Variants in FANCD2 observed in about 807,000 individuals in gnomAD.
The protein encoded by FANCD2 is FA complementation group D2, also known as Fanconi anemia group D2 protein.
In FANCD2, 131 loss-of-function variants were observed where a neutral mutation model predicts 192.3. That is an observed-to-expected ratio of 0.68 (90% confidence interval 0.59 to 0.79). The LOEUF (loss-of-function observed/expected upper bound fraction) is 0.79, where lower values mean the gene tolerates loss of function less well. Ranked by LOEUF, FANCD2 falls within the 30% of genes least tolerant of loss-of-function variation. The pLI, the probability that FANCD2 is intolerant of heterozygous loss-of-function variation, is 0.00. For missense variants in FANCD2, 1,508 were observed against 1,701.6 expected, an observed-to-expected ratio of 0.89 and a Z score of 2.00; for synonymous variants, 524 against 612.5, an observed-to-expected ratio of 0.86 and a Z score of 2.13.
chr3:10,040,033 CT>C (rs570512566), intron 9 of FANCD2, 188 bp downstream of exon 9: 29,437 of 340,934 alleles, frequency 0.086, 9 homozygotes, highest in East Asian at 0.16. Context: ...CACATACTTT[CT>C]TTTTTTTTTT....
Position 10,062,233 on chromosome 3 carries a change from T to A in FANCD2, c.1827+22T>A, listed in dbSNP as rs1256388697. 2.5e-6 allele frequency: 4 copies of A among 1,606,850 alleles called. No individual in the cohort carries two copies. The South Asian group carries it at 4.4e-5, about 18-fold the overall frequency. Reference sequence around the variant, plus strand: ...ACAGGTGAGTTCTTTTTTTCCTTTCTTTCTTTTTCCTGTCTTTTTTTTTTT... The same window carrying A: ...ACAGGTGAGTTCTTTTTTTCCTTTCATTCTTTTTCCTGTCTTTTTTTTTTT... On this transcript the variant is annotated intron_variant, in intron 20 of 43. Coordinates refer to ENST00000675286, the MANE Select transcript of FANCD2 (RefSeq NM_001018115.3).
chr3:10,090,755 G>C (rs1191217166), intron 37 of FANCD2, among the ~76,000 whole-genome samples: 1 of 152,230 alleles, frequency 6.6e-6, no homozygotes, highest in African/African-American at 2.4e-5. Context: ...ACTGCGCCCG[G>C]TGGTAGTTGC....
intron 37 of FANCD2, among the ~76,000 whole-genome samples, chr3:10,091,436 C>T (rs1185817429): frequency 2.7e-5 from 4 of 149,690 alleles, no homozygotes; most frequent in African/African-American, 7.4e-5. Context: ...TGCACCACTG[C>T]ACTCCAACCT....
At position 10,041,703 on chromosome 3, in the gene FANCD2, T is replaced by C. The variant is rs748724233; in HGVS notation, c.776T>C (p.Leu259Pro). The change falls in exon 10 of 44, where the codon CTA (leucine) becomes CCA (proline). Residue 259 changes from leucine (L) to proline (P), a missense_variant. Leu to Pro is a moderately conservative substitution (Grantham distance 98). This residue lies in a region of FANCD2 where 435 missense variants were observed against 421.9 expected (regional missense o/e 1.03). Transcript: ENST00000675286. ...LSSLRLDPNF[L>P]LKVRQLVMDK... is the part of the protein sequence containing the mutation. ...AGCCTCCGACTTGACCCAAACTTCC[T>C]ATTGAAGGTAGAAAAGACTCAGCTT... The C allele has an allele frequency of 6.2e-6, 10 of 1,613,092 alleles. No individual in the cohort carries two copies. The African/African-American group carries it at 9.3e-5, about 15-fold the overall frequency.
chr3:10,088,192 A>G (rs1694348854), intron 34 of FANCD2, among the ~76,000 whole-genome samples: 1 of 151,930 alleles, frequency 6.6e-6, no homozygotes, highest in South Asian at 2.1e-4. Flanking sequence ...ATTTATGTTC[A>G]TGTTTGCATG....
At chr3:10,096,715 C>T (rs188624305) in intron 42 of FANCD2, among the ~76,000 whole-genome samples, 2 of 152,312 alleles carry the variant, frequency 1.3e-5, no homozygotes, top group African/African-American at 4.8e-5. Flanking sequence ...ATGCCTCAGA[C>T]ATAAAGGAGT....
chr3:10,061,937 A>T (rs534366781), intron 19 of FANCD2, among the ~76,000 whole-genome samples: 5 of 131,228 alleles, frequency 3.8e-5, no homozygotes, highest in African/African-American at 1.4e-4. Context: ...ACATGGACAC[A>T]GGAAAGGGAA....
intron 29 of FANCD2, 27 bp from the exon 30 acceptor site, chr3:10,078,054 G>A (rs1693629033): frequency 7.0e-7 from 1 of 1,435,312 alleles, no homozygotes; most frequent in Middle Eastern, 1.8e-4. Flanking sequence ...GACATTCCTG[G>A]AACTAATCCT....
intron 9 of FANCD2, chr3:10,040,195 C>T (rs935687234): frequency 2.6e-5 from 9 of 347,134 alleles, no homozygotes; most frequent in African/African-American, 1.5e-4. Flanking sequence ...CTACCATGCC[C>T]GACTAATTTT....
chr3:10,040,028 A>ATTTT (rs2086826185), intron 9 of FANCD2, 183 bp downstream of exon 9: 1 of 550,260 alleles, frequency 1.8e-6, no homozygotes, highest in Non-Finnish European at 3.1e-6. Context: ...AGATCCACAT[A>ATTTT]CTTTCTTTTT....
chr3:10,064,033 G>C, intron 21 of FANCD2, 122 bp downstream of exon 21: 4 of 1,436,398 alleles, frequency 2.8e-6, no homozygotes, highest in Non-Finnish European at 3.8e-6. Context: ...ATTCTAACTG[G>C]GAAAGGCTTT....
intron 18 of FANCD2, among the ~76,000 whole-genome samples, chr3:10,054,473 ATTTTTTTTTTTTTT>A (rs55719769): frequency 1.2e-4 from 1 of 8,408 alleles, no homozygotes; most frequent in Non-Finnish European, 1.8e-4. Flanking sequence ...ATATATATAT[ATTTTTTTTTTTTTT>A]TTTTTTTTTT....
At chr3:10,037,257 G>A (rs2086755369) in intron 7 of FANCD2, among the ~76,000 whole-genome samples, 1 of 152,118 alleles carries the variant, frequency 6.6e-6, no homozygotes, top group African/African-American at 2.4e-5. Context: ...AATTTTGTTA[G>A]CAATCAAAGG....
intron 14 of FANCD2, among the ~76,000 whole-genome samples, chr3:10,045,078 C>T (rs1575752615): frequency 8.6e-6 from 1 of 116,330 alleles, no homozygotes; most frequent in Non-Finnish European, 1.7e-5. Context: ...TCCTGCTTGC[C>T]TTTTTAACTG....
intron 41 of FANCD2, among the ~76,000 whole-genome samples, 195 bp from the exon 42 acceptor site, chr3:10,096,131 G>A (rs1281943025): frequency 1.3e-5 from 2 of 152,180 alleles, no homozygotes; most frequent in Admixed American, 1.3e-4. Context: ...TTGGTGGTAT[G>A]TCTTCTAGGC....
intron 18 of FANCD2, chr3:10,057,860 T>G (rs1029240354): frequency 5.3e-6 from 1 of 188,700 alleles, no homozygotes; most frequent in African/African-American, 2.4e-5. Context: ...CAACAAGATA[T>G]TCTGTCAGTC....
At chr3:10,069,610 C>T (rs376361706) in intron 26 of FANCD2, among the ~76,000 whole-genome samples, 35,052 of 151,142 alleles carry the variant, frequency 0.23, 5,421 homozygotes, top group African/African-American at 0.44. Flanking sequence ...TGCAGGCGCG[C>T]GCCGCCACGC....
intron 30 of FANCD2, among the ~76,000 whole-genome samples, chr3:10,078,839 G>C (rs377390526): frequency 5.9e-5 from 9 of 151,786 alleles, no homozygotes; most frequent in Admixed American, 3.3e-4. Flanking sequence ...TGGTGGTGCA[G>C]CTATAGTTCC....
intron 17 of FANCD2, among the ~76,000 whole-genome samples, chr3:10,050,429 C>T (rs2087162917): frequency 6.6e-6 from 1 of 150,848 alleles, no homozygotes; most frequent in South Asian, 2.1e-4. Flanking sequence ...TCAAGACCAT[C>T]CTGCCTAACA....
Sources: allele counts gnomAD v4.1 joint callset (sites outside exome capture counted in the v4.1 genomes callset), GRCh38; gene constraint gnomAD v4.1.1; regional missense constraint gnomAD v4.1.1; transcripts MANE v1.5; gene names NCBI Gene and HGNC (gene_info 2026-07-23, HGNC 2026-07-21).